SEMA3D: variants seen among roughly 807,000 people sequenced by gnomAD.
SEMA3D encodes semaphorin 3D.
SEMA3D carries 84 observed loss-of-function variants against 100.1 expected under a neutral mutation model. The ratio of observed to expected loss-of-function variants is 0.84; its 90% CI spans 0.70 to 1.01. SEMA3D has a LOEUF of 1.01. Among genes scored for constraint, SEMA3D ranks in the 50% least tolerant of loss-of-function variants. The probability of loss-of-function intolerance (pLI) is 0.00; values close to 1 mark genes in which losing one functional copy is unlikely to be tolerated. For synonymous variants in SEMA3D, 312 were observed against 320.7 expected, an observed-to-expected ratio of 0.97 and a Z score of 0.29; for missense variants, 875 against 934.1, an observed-to-expected ratio of 0.94 and a Z score of 0.82.
At chr7:85,042,399 T>C (rs1790889604) in intron 9 of SEMA3D, 114 bp from the exon 10 acceptor site, 1 of 725,404 alleles carries the variant, frequency 1.4e-6, no homozygotes, top group Admixed American at 2.2e-5. Context: ...ACAAAGACAC[T>C]GAACCCAGAT....
intron 2 of SEMA3D, chr7:85,140,576 T>C: frequency 1.1e-6 from 1 of 932,390 alleles, no homozygotes; most frequent in Non-Finnish European, 1.3e-6. Flanking sequence ...CAGAGTTTTA[T>C]CTATATCTAT....
At chr7:85,040,613 A>G (rs1442582463) in intron 11 of SEMA3D, 60 bp downstream of exon 11, 7 of 850,648 alleles carry the variant, frequency 8.2e-6, no homozygotes, top group Admixed American at 6.2e-5. Context: ...TCCTATAACT[A>G]TATTGGCTTG....
the SEMA3D span, among the ~76,000 whole-genome samples, chr7:85,241,949 G>T: frequency 1.3e-5 from 2 of 151,978 alleles, no homozygotes; most frequent in Non-Finnish European, 2.9e-5. Flanking sequence ...AAAGGGAACC[G>T]CTGTACAGTG....
intron 12 of SEMA3D, among the ~76,000 whole-genome samples, chr7:85,035,064 T>A (rs1216428641): frequency 1.3e-5 from 2 of 151,906 alleles, no homozygotes; most frequent in Non-Finnish European, 2.9e-5. Context: ...AGTCAAGACA[T>A]GGAAACAACC....
Position 84,996,785 on chromosome 7 carries a change from T to G in SEMA3D, c.*2655A>C, listed in dbSNP as rs1789512887. On this transcript the variant is annotated 3_prime_UTR_variant, in exon 19 of 19. Coordinates refer to ENST00000284136, the MANE Select transcript of SEMA3D (RefSeq NM_001384900.1). ...GATCCCCTCCGCAGAGTCAATTTCT[T>G]AGCATATTTGAAACCATTAACTATA... is the stretch of plus-strand genomic sequence containing the variant. 1 of 152,028 alleles carries G rather than the reference T, an allele frequency of 6.6e-6. No homozygotes were observed. The highest frequency in any genetic ancestry group is 1.5e-5 in the Non-Finnish European group (1 of 67,888). The allele number at this position is 152,028 out of a possible 1,614,324, so 9.4% of individuals were successfully genotyped here. A position where few individuals can be genotyped will look rare whatever the true frequency, so the allele number is the denominator to read the frequency against.
intron 1 of SEMA3D, among the ~76,000 whole-genome samples, chr7:85,155,639 A>G (rs1418690870): frequency 2.0e-5 from 3 of 152,198 alleles, no homozygotes; most frequent in Non-Finnish European, 2.9e-5. Flanking sequence ...AGGTACTATA[A>G]AACAGCTTAT....
chr7:85,226,403 A>AT, the SEMA3D span, among the ~76,000 whole-genome samples: 1 of 152,126 alleles, frequency 6.6e-6, no homozygotes, highest in Admixed American at 6.5e-5. Context: ...CAGTATCCAT[A>AT]TTTTTTATAA....
chr7:85,020,342 T>C (rs1307181495), intron 13 of SEMA3D, 21 bp from the exon 14 acceptor site: 1 of 1,568,324 alleles, frequency 6.4e-7, no homozygotes. Flanking sequence ...GCATAACCCA[T>C]GATCCCATTG....
At chr7:85,221,473 CTG>C in the SEMA3D span, among the ~76,000 whole-genome samples, 1 of 152,060 alleles carries the variant, frequency 6.6e-6, no homozygotes, top group African/African-American at 2.4e-5. Context: ...GTGTCAAACA[CTG>C]TGTTCCTGAA....
In SEMA3D at chr7:85,165,452, C is replaced by T. The variant is rs143878402; in HGVS notation, c.-172-11713G>A. On this transcript the variant is annotated intron_variant, in intron 1 of 18. Coordinates refer to ENST00000284136, the MANE Select transcript of SEMA3D (RefSeq NM_001384900.1). ...TAGTTTCATGTGACTAAGATAAACA[C>T]GGGCTAAACTGCAAAGTTAGATTAC... Among the ~76,000 whole-genome samples the T allele has an allele frequency of 2.6e-3, 397 of 152,110 alleles. 3 individuals carry two copies. The highest frequency in any genetic ancestry group is 9.0e-3 in the African/African-American group (372 of 41,530).
chr7:85,021,526 C>T (rs1790255870), intron 13 of SEMA3D, among the ~76,000 whole-genome samples: 1 of 151,778 alleles, frequency 6.6e-6, no homozygotes, highest in Admixed American at 6.6e-5. Context: ...TTCCGTCACA[C>T]ACATACTTCC....
At chr7:85,195,281 G>C in the SEMA3D span, among the ~76,000 whole-genome samples, 1 of 152,136 alleles carries the variant, frequency 6.6e-6, no homozygotes, top group South Asian at 2.1e-4. Flanking sequence ...CCTTGCTTCT[G>C]GGCCTCTGTA....
chr7:85,182,911 A>C (rs1330416889), intron 1 of SEMA3D, among the ~76,000 whole-genome samples: 3 of 152,172 alleles, frequency 2.0e-5, no homozygotes, highest in Non-Finnish European at 4.4e-5. Flanking sequence ...GCCTATGGCT[A>C]CTCTTGTTCA....
At chr7:85,082,752 A>G (rs1788101779) in intron 4 of SEMA3D, among the ~76,000 whole-genome samples, 1 of 152,262 alleles carries the variant, frequency 6.6e-6, no homozygotes, top group South Asian at 2.1e-4. Context: ...AACACAGTAT[A>G]GCATTCAAAA....
chr7:85,006,827 C>G lies in SEMA3D; in HGVS notation c.1883G>C (p.Arg628Thr). 6.2e-7 allele frequency: 1 copy of G among 1,607,122 alleles called. No individual in the cohort carries two copies. The highest frequency in any genetic ancestry group is 1.1e-5 in the South Asian group (1 of 90,300). Residue 628 changes from arginine to threonine, a missense_variant, in exon 18 of 19, where the codon AGG becomes ACG. Transcript: ENST00000284136. Reference protein sequence around the residue: ...QQATIKWYIQRSGDEHREELK... With the variant: ...QQATIKWYIQTSGDEHREELK... ...CTCCTCTCGATGCTCATCCCCTGAC[C>G]TCTGGATATACCATTTAATAGTTGC...
intron 1 of SEMA3D, among the ~76,000 whole-genome samples, chr7:85,170,783 C>A (rs1791063409): frequency 6.6e-6 from 1 of 151,920 alleles, no homozygotes; most frequent in South Asian, 2.1e-4. Context: ...TTCAGTGGTT[C>A]CCTATCAACT....
In SEMA3D at chr7:84,998,147, G is replaced by C. The variant is rs578178950; in HGVS notation, c.*1293C>G. 1 of 151,888 alleles carries C rather than the reference G, an allele frequency of 6.6e-6. No individual in the cohort carries two copies. The highest frequency in any genetic ancestry group is 6.6e-5 in the Admixed American group (1 of 15,228). 9.4% of individuals were successfully genotyped at this position (151,888 alleles called of 1,614,324 possible). ...TTTCCGTTGTTAAAATTTTACACTC[G>C]TTCTGTTATTCAACAAATATATATC... On this transcript the variant is annotated 3_prime_UTR_variant, in exon 19 of 19. Coordinates refer to ENST00000284136, the MANE Select transcript of SEMA3D (RefSeq NM_001384900.1).
chr7:85,039,063 T>C (rs1290524815), intron 11 of SEMA3D, among the ~76,000 whole-genome samples: 6 of 152,170 alleles, frequency 3.9e-5, no homozygotes, highest in East Asian at 3.9e-4. Context: ...ATTCCTCCTA[T>C]ACTGATGTCA....
the SEMA3D span, among the ~76,000 whole-genome samples, chr7:85,220,136 G>A: frequency 1.3e-5 from 2 of 151,900 alleles, no homozygotes; most frequent in African/African-American, 2.4e-5. Context: ...ATTCTTCAAG[G>A]TATCATATTC....
Sources: gnomAD v4.1 joint callset for allele counts (sites outside exome capture counted in the v4.1 genomes callset) on GRCh38, gnomAD v4.1.1 for gene constraint, MANE v1.5 for transcripts, NCBI Gene and HGNC (gene_info 2026-07-23, HGNC 2026-07-21) for gene names.